CCDC15: variants seen among roughly 807,000 people sequenced by gnomAD.
CCDC15 encodes coiled-coil domain containing 15, also known as coiled-coil domain-containing protein 15.
A neutral mutation model predicts 114.5 loss-of-function variants in CCDC15; 105 were observed. That is an observed-to-expected ratio of 0.92 (90% CI 0.78 to 1.08). The LOEUF is 1.08. CCDC15 is among the 50% of genes least tolerant of loss of function. The pLI, the probability that CCDC15 is intolerant of heterozygous loss-of-function variation, is 0.00. For missense variants in CCDC15, 1,105 were observed against 1,093.6 expected (o/e 1.01, Z -0.15); for synonymous variants, 334 against 377.8 (o/e 0.88, Z 1.34).
chr11:125,034,150 G>T (rs966866658), intron 13 of CCDC15, among the ~76,000 whole-genome samples: 3 of 152,194 alleles, frequency 2.0e-5, no homozygotes, highest in Admixed American at 6.5e-5. Context: ...TCAGACAAAG[G>T]TGGAAAGGTT....
chr11:124,972,987 TTACAGGTTCTAGGGATTA>T (rs2135454300), intron 4 of CCDC15, among the ~76,000 whole-genome samples: 1 of 152,306 alleles, frequency 6.6e-6, no homozygotes, highest in Non-Finnish European at 1.5e-5. Context: ...AAAGTAATAT[TTACAGGTTCTAGGGATTA>T]ACACCTGGTA....
At chr11:125,040,237 A>G (rs1948806917) in intron 15 of CCDC15, among the ~76,000 whole-genome samples, 1 of 151,534 alleles carries the variant, frequency 6.6e-6, no homozygotes, top group African/African-American at 2.4e-5. Context: ...GGGGTTTGCC[A>G]TGTTGGCCAG....
At position 124,993,270 on chromosome 11, in the gene CCDC15, T is replaced by C. The variant is rs1013680385; in HGVS notation, c.2214+27T>C. 12 of 1,419,492 alleles carry C rather than the reference T, an allele frequency of 8.5e-6. No individual in the cohort carries two copies. In the African/African-American group the frequency reaches 1.7e-4, roughly 20 times the overall value. The allele number at this position is 1,419,492 out of a possible 1,614,324, so 87.9% of individuals were successfully genotyped here. ...TATGTTTCACACAATATTCAAGATC[T>C]AGTCTCTTCTAGAGAAGTAGAGCAG... On this transcript the variant is annotated intron_variant, in intron 11 of 15. Coordinates refer to ENST00000344762, the MANE Select transcript of CCDC15 (RefSeq NM_025004.3).
At chr11:125,014,622 A>G (rs1439065690) in intron 13 of CCDC15, among the ~76,000 whole-genome samples, 1 of 150,434 alleles carries the variant, frequency 6.6e-6, no homozygotes, top group African/African-American at 2.5e-5. Flanking sequence ...TCTATGCACA[A>G]TGAGGTACCA....
At chr11:124,973,312 C>G (rs1340952333) in intron 4 of CCDC15, among the ~76,000 whole-genome samples, 2 of 151,462 alleles carry the variant, frequency 1.3e-5, no homozygotes, top group African/African-American at 4.9e-5. Flanking sequence ...TAACACCTAC[C>G]TTAAGTGTCA....
intron 4 of CCDC15, among the ~76,000 whole-genome samples, chr11:124,966,648 G>T (rs967843153): frequency 6.6e-6 from 1 of 152,130 alleles, no homozygotes; most frequent in African/African-American, 2.4e-5. Context: ...TACATTTAAG[G>T]TTAATATTGT....
chr11:124,968,057 G>A (rs1005552327), intron 4 of CCDC15, among the ~76,000 whole-genome samples: 2 of 152,170 alleles, frequency 1.3e-5, no homozygotes, highest in African/African-American at 4.8e-5. Flanking sequence ...GCTGTGTGAG[G>A]TGTCAGTCGG....
chr11:125,004,996 T>A (rs1314372793), intron 12 of CCDC15, 113 bp from the exon 13 acceptor site: 1 of 535,254 alleles, frequency 1.9e-6, no homozygotes, highest in East Asian at 3.1e-5. Context: ...AACTTCTATA[T>A]CATCTGTTTC....
intron 2 of CCDC15, among the ~76,000 whole-genome samples, chr11:124,956,260 ATATAAT>A (rs1331279623): frequency 2.6e-4 from 39 of 152,302 alleles, no homozygotes; most frequent in African/African-American, 8.9e-4. Flanking sequence ...ATAAATTAGA[ATATAAT>A]TATAATAATT....
At chr11:124,976,656 A>G (rs1372241490) in intron 5 of CCDC15, among the ~76,000 whole-genome samples, 1 of 152,112 alleles carries the variant, frequency 6.6e-6, no homozygotes, top group Non-Finnish European at 1.5e-5. Context: ...GATCTTAGAG[A>G]TGGATATTTA....
At chr11:125,009,080 T>C (rs1354072559) in intron 13 of CCDC15, among the ~76,000 whole-genome samples, 1 of 151,670 alleles carries the variant, frequency 6.6e-6, no homozygotes, top group Admixed American at 6.6e-5. Context: ...TAGCTGGGCA[T>C]GGTGGCTCAT....
At chr11:124,959,724 ATTT>A in intron 3 of CCDC15, 88 bp from the exon 4 acceptor site, 4 of 658,854 alleles carry the variant, frequency 6.1e-6, no homozygotes, top group Non-Finnish European at 8.7e-6. Flanking sequence ...CCCCACCCCA[ATTT>A]AAAATCTTCT....
chr11:125,032,907 G>T (rs1189165614), intron 13 of CCDC15, among the ~76,000 whole-genome samples: 1 of 152,222 alleles, frequency 6.6e-6, no homozygotes, highest in Non-Finnish European at 1.5e-5. Context: ...CCTGGATTCA[G>T]TGTCAGCTCA....
intron 13 of CCDC15, among the ~76,000 whole-genome samples, chr11:125,033,525 G>A (rs974654108): frequency 6.6e-6 from 1 of 152,128 alleles, no homozygotes; most frequent in African/African-American, 2.4e-5. Flanking sequence ...AAAGATGTAG[G>A]TGTTGCCCTC....
intron 4 of CCDC15, among the ~76,000 whole-genome samples, chr11:124,961,123 T>G (rs969276982): frequency 2.0e-5 from 3 of 152,252 alleles, no homozygotes; most frequent in African/African-American, 7.2e-5. Flanking sequence ...AGCCAGGCAC[T>G]GCATAAAGTA....
chr11:124,960,001 G>C lies in CCDC15; in HGVS notation c.514G>C (p.Ala172Pro). The C allele has an allele frequency of 1.9e-6, 3 of 1,555,484 alleles. No homozygotes were observed. The highest frequency in any genetic ancestry group is 2.6e-6 in the Non-Finnish European group (3 of 1,148,878). Residue 172 changes from alanine to proline, a missense_variant and splice_region_variant, in exon 4 of 16, where the codon GCT becomes CCT. Ala to Pro is a conservative substitution (Grantham distance 27). Transcript: ENST00000344762. ...CGAATTATTCCAACAACAAGCCCAG[G>C]CTGTAAGTACCTGTTCTTTTTATTT... The part of the protein sequence containing the change: ...QNELFQQQAQ[A>P]LSETMKQARH...
chr11:125,020,809 T>G (rs1380898528), intron 13 of CCDC15, among the ~76,000 whole-genome samples: 1 of 152,010 alleles, frequency 6.6e-6, no homozygotes, highest in Non-Finnish European at 1.5e-5. Context: ...ATAGAATAAT[T>G]GTTTTTTAAT....
chr11:124,963,284 C>T (rs77824764), intron 4 of CCDC15, among the ~76,000 whole-genome samples: 28,562 of 152,076 alleles, frequency 0.19, 3,059 homozygotes, highest in African/African-American at 0.28. Context: ...CCTATTTCTC[C>T]ACATCCTCTC....
At chr11:125,007,823 C>T (rs1467775053) in intron 13 of CCDC15, among the ~76,000 whole-genome samples, 1 of 152,046 alleles carries the variant, frequency 6.6e-6, no homozygotes, top group Non-Finnish European at 1.5e-5. Flanking sequence ...CAGTTGATCC[C>T]CAGGCACCCG....
Sources: gnomAD v4.1 joint callset for allele counts (sites outside exome capture counted in the v4.1 genomes callset) on GRCh38, gnomAD v4.1.1 for gene constraint, MANE v1.5 for transcripts, NCBI Gene and HGNC (gene_info 2026-07-23, HGNC 2026-07-21) for gene names.